EPHA4: variants seen among roughly 807,000 people sequenced by gnomAD.
The protein encoded by EPHA4 is EPH receptor A4.
EPHA4 carries 19 observed loss-of-function variants against 108.3 expected under a neutral mutation model. That is an observed-to-expected ratio of 0.18 (90% CI 0.12 to 0.26). The LOEUF is 0.26. Among genes scored for constraint, EPHA4 ranks in the 10% least tolerant of loss-of-function variants. The probability of loss-of-function intolerance (pLI) is 1.00; values close to 1 mark genes in which losing one functional copy is unlikely to be tolerated. For missense variants in EPHA4, 917 were observed against 1,254.0 expected (o/e 0.73, Z 4.06); for synonymous variants, 449 against 455.5 (o/e 0.99, Z 0.18).
At chr2:221,541,972 A>G (rs182757793) in intron 3 of EPHA4, among the ~76,000 whole-genome samples, 576 of 152,318 alleles carry the variant, frequency 3.8e-3, no homozygotes, top group Admixed American at 7.4e-3. Flanking sequence ...AATCAAAAAA[A>G]TATGATTTTA....
intron 13 of EPHA4, 74 bp from the exon 14 acceptor site, chr2:221,434,365 C>T: frequency 6.6e-7 from 1 of 1,515,988 alleles, no homozygotes; most frequent in Non-Finnish European, 9.0e-7. Context: ...GAATGTAGTT[C>T]CTGCTAGCCA....
chr2:221,486,519 G>A (rs1054313141), intron 4 of EPHA4, among the ~76,000 whole-genome samples: 2 of 151,862 alleles, frequency 1.3e-5, no homozygotes, highest in Non-Finnish European at 2.9e-5. Flanking sequence ...CTGAGGTCAG[G>A]AGTTTAAGAC....
intron 5 of EPHA4, among the ~76,000 whole-genome samples, chr2:221,481,379 G>A (rs1170122422): frequency 9.3e-6 from 1 of 107,658 alleles, no homozygotes; most frequent in Non-Finnish European, 1.7e-5. Context: ...TATAAAAGTA[G>A]CTGCAATCAC....
intron 3 of EPHA4, among the ~76,000 whole-genome samples, chr2:221,504,293 C>A (rs2106160072): frequency 6.6e-6 from 1 of 152,104 alleles, no homozygotes; most frequent in South Asian, 2.1e-4. Flanking sequence ...CATTCAATTC[C>A]TTTAGCTTTG....
chr2:221,430,279 T>C, intron 14 of EPHA4, 128 bp from the exon 15 acceptor site: 1 of 898,718 alleles, frequency 1.1e-6, no homozygotes, highest in Non-Finnish European at 1.7e-6. Flanking sequence ...CAGCTCCAAC[T>C]CCTTCACATG....
intron 3 of EPHA4, among the ~76,000 whole-genome samples, chr2:221,520,122 A>G (rs554479649): frequency 1.2e-4 from 19 of 152,082 alleles, no homozygotes; most frequent in African/African-American, 3.1e-4. Flanking sequence ...AAATCTCTCA[A>G]TGATCCCCAC....
chr2:221,515,824 T>C (rs1692972740), intron 3 of EPHA4, among the ~76,000 whole-genome samples: 1 of 152,072 alleles, frequency 6.6e-6, no homozygotes, highest in South Asian at 2.1e-4. Flanking sequence ...TCAAAAATAA[T>C]AATAATAAAA....
intron 5 of EPHA4, among the ~76,000 whole-genome samples, chr2:221,477,532 C>T (rs1047315748): frequency 6.6e-6 from 1 of 152,160 alleles, no homozygotes; most frequent in Admixed American, 6.5e-5. Context: ...CAAAAATTGC[C>T]TCTAAACATT....
chr2:221,526,021 AATAATT>A (rs1370806455), intron 3 of EPHA4, among the ~76,000 whole-genome samples: 1 of 152,264 alleles, frequency 6.6e-6, no homozygotes, highest in Non-Finnish European at 1.5e-5. Flanking sequence ...ACATTTCAAA[AATAATT>A]ATAACTAATA....
intron 4 of EPHA4, among the ~76,000 whole-genome samples, chr2:221,499,580 G>A (rs1166725071): frequency 6.7e-6 from 1 of 150,234 alleles, no homozygotes; most frequent in African/African-American, 2.4e-5. Context: ...GACAGGACTT[G>A]ATTGCCCAGT....
intron 5 of EPHA4, among the ~76,000 whole-genome samples, chr2:221,478,220 C>CA (rs75032748): frequency 0.17 from 26,019 of 149,452 alleles, 2,363 homozygotes; most frequent in East Asian, 0.27. Context: ...GCCTTTTTAA[C>CA]AAAAAAAAAA....
intron 3 of EPHA4, among the ~76,000 whole-genome samples, chr2:221,511,393 A>G (rs1172757526): frequency 1.3e-5 from 2 of 151,358 alleles, no homozygotes; most frequent in East Asian, 1.9e-4. Context: ...AACCTCTCAT[A>G]CACTGCTAAC....
Position 221,419,287 on chromosome 2 carries a change from G to A in EPHA4, c.*2085C>T, listed in dbSNP as rs1293619812. On this transcript the variant is annotated 3_prime_UTR_variant, in exon 18 of 18. Transcript: ENST00000281821. ...AGGAGTTAGCTGCATATTAATTACT[G>A]TAGAACTTTCCAGGTAATTAGGGAA... 3 of 152,602 alleles carry A rather than the reference G, an allele frequency of 2.0e-5. No individual in the cohort carries two copies. The highest frequency in any genetic ancestry group is 4.4e-5 in the Non-Finnish European group (3 of 68,036). The allele number at this position is 152,602 out of a possible 1,614,324, so 9.5% of individuals were successfully genotyped here. A position where few individuals can be genotyped will look rare whatever the true frequency, so the allele number is the denominator to read the frequency against.
chr2:221,490,331 C>A (rs1377244815), intron 4 of EPHA4, among the ~76,000 whole-genome samples: 5 of 150,370 alleles, frequency 3.3e-5, no homozygotes, highest in African/African-American at 1.2e-4. Context: ...GATAGAAAAA[C>A]CAAAGTCTCT....
intron 3 of EPHA4, among the ~76,000 whole-genome samples, chr2:221,505,733 C>A (rs1030648807): frequency 6.6e-6 from 1 of 152,108 alleles, no homozygotes; most frequent in East Asian, 1.9e-4. Flanking sequence ...TTAAGTATTG[C>A]GTGTGTGCTG....
intron 17 of EPHA4, 45 bp downstream of exon 17, chr2:221,425,164 G>A (rs1348188306): frequency 1.3e-5 from 2 of 152,272 alleles, no homozygotes; most frequent in Non-Finnish European, 2.9e-5. Flanking sequence ...AAGCACAAAA[G>A]GAGTTTTCAC....
intron 3 of EPHA4, among the ~76,000 whole-genome samples, chr2:221,562,754 C>T (rs1694507428): frequency 1.3e-5 from 2 of 152,240 alleles, no homozygotes; most frequent in South Asian, 4.1e-4. Context: ...TATTTTTGAG[C>T]CTTATTTCAC....
intron 3 of EPHA4, among the ~76,000 whole-genome samples, chr2:221,548,358 G>A (rs575432979): frequency 4.6e-4 from 69 of 150,114 alleles, no homozygotes; most frequent in Middle Eastern, 6.9e-3. Context: ...GCGAGAGTCC[G>A]TCTCAAAAAA....
At chr2:221,427,413 A>T (rs1574553298) in intron 15 of EPHA4, among the ~76,000 whole-genome samples, 1 of 152,182 alleles carries the variant, frequency 6.6e-6, no homozygotes, top group African/African-American at 2.4e-5. Flanking sequence ...TACAGGCTGG[A>T]ATTCTGCCTT....
Sources: allele counts gnomAD v4.1 joint callset (sites outside exome capture counted in the v4.1 genomes callset), GRCh38; gene constraint gnomAD v4.1.1; transcripts MANE v1.5; gene names NCBI Gene and HGNC (gene_info 2026-07-23, HGNC 2026-07-21).